The following SLC6A17 variants were observed in gnomAD, a reference collection of about 807,000 sequenced individuals.
The protein encoded by SLC6A17 is solute carrier family 6 member 17.
In SLC6A17, 21 loss-of-function variants were observed where a neutral mutation model predicts 64.5. That is an observed-to-expected ratio of 0.33 (90% CI 0.23 to 0.47). The LOEUF (loss-of-function observed/expected upper bound fraction) is 0.47, where lower values mean the gene tolerates loss of function less well. SLC6A17 is among the 20% of genes least tolerant of loss of function. SLC6A17 has a pLI of 1.00. For missense variants in SLC6A17, 682 were observed against 963.2 expected, an observed-to-expected ratio of 0.71 and a Z score of 3.86; for synonymous variants, 372 against 399.5, an observed-to-expected ratio of 0.93 and a Z score of 0.82.
At chr1:110,158,421 C>T (rs1217906711) in intron 1 of SLC6A17, among the ~76,000 whole-genome samples, 1 of 152,212 alleles carries the variant, frequency 6.6e-6, no homozygotes, top group African/African-American at 2.4e-5. Context: ...CCACCCAGCT[C>T]CAGGGCGTTG....
chr1:110,177,235 A>C (rs1374452745), intron 6 of SLC6A17, among the ~76,000 whole-genome samples: 1 of 152,190 alleles, frequency 6.6e-6, no homozygotes, highest in Non-Finnish European at 1.5e-5. Flanking sequence ...CCTTGTACCC[A>C]AATCAGAGGA....
rs1416185596 is a variant in SLC6A17, at chr1:110,167,107, C to A, written c.178C>A (p.Arg60=). 1 of 1,612,586 alleles carries A rather than the reference C, an allele frequency of 6.2e-7. No individual in the cohort carries two copies. Among genetic ancestry groups the A allele is most frequent in the Non-Finnish European group, 8.5e-7 (1 of 1,179,556 alleles). ...GGAGGAGGAGCTGGATGCAGAGGAC[C>A]GGCCGGCCTGGAACAGTAAGCTGCA... ...AVEEELDAED[R]PAWNSKLQYI... The change falls in exon 2 of 12, where the codon CGG becomes AGG. Residue 60 remains arginine, a synonymous_variant. Coordinates refer to ENST00000331565, the MANE Select transcript of SLC6A17 (RefSeq NM_001010898.4).
intron 2 of SLC6A17, among the ~76,000 whole-genome samples, chr1:110,170,796 G>A (rs1656202127): frequency 6.6e-6 from 1 of 152,052 alleles, no homozygotes; most frequent in African/African-American, 2.4e-5. Context: ...TTGGACCCTG[G>A]CCCATTCCTC....
At chr1:110,183,093 C>T (rs147921033) in intron 6 of SLC6A17, among the ~76,000 whole-genome samples, 1 of 152,166 alleles carries the variant, frequency 6.6e-6, no homozygotes, top group African/African-American at 2.4e-5. Context: ...ACAGAGTTAG[C>T]ATATGACCCA....
rs550033417 is a variant in SLC6A17 at position 110,191,891 on chromosome 1, C to T, written c.865-81C>T. ...CTGCTGCCTCTGAACTCTGTTGAGG[C>T]TGAGAAAGGGGGTGTGCACATGAAT... On this transcript the variant is annotated intron_variant, in intron 6 of 11. Transcript: ENST00000331565. 6.5e-6 allele frequency: 10 copies of T among 1,543,916 alleles called. No individual in the cohort carries two copies. In the South Asian group the frequency reaches 1.1e-4, roughly 18 times the overall value.
At chr1:110,160,934 C>A (rs924773229) in intron 1 of SLC6A17, among the ~76,000 whole-genome samples, 5 of 152,120 alleles carry the variant, frequency 3.3e-5, no homozygotes, top group African/African-American at 1.2e-4. Context: ...CTGCTGTAGG[C>A]ATCTAGCCAG....
chr1:110,176,540 G>A (rs1025205002), intron 5 of SLC6A17, 89 bp from the exon 6 acceptor site: 44 of 1,231,450 alleles, frequency 3.6e-5, no homozygotes, highest in African/African-American at 4.5e-5. Context: ...CATCAGGGGC[G>A]GCTCATGTGC....
At position 110,199,941 on chromosome 1, in the gene SLC6A17, GTGGA is replaced by G. The variant is rs1305809117; in HGVS notation, c.*1503_*1506del. 12 of 382,212 alleles carry G rather than the reference GTGGA, an allele frequency of 3.1e-5. No homozygotes were observed. Among genetic ancestry groups the G allele is most frequent in the African/African-American group, 2.6e-4 (12 of 46,996 alleles). The allele number at this position is 382,212 out of a possible 1,614,324, so 23.7% of individuals were successfully genotyped here. On this transcript the variant is annotated 3_prime_UTR_variant, in exon 12 of 12. Coordinates refer to ENST00000331565, the MANE Select transcript of SLC6A17 (RefSeq NM_001010898.4). ...TGGATGGATGGGTTGGGGGGTGGGG[GTGGA>G]TGGATAGATGGATGGATGGATGGAC...
chr1:110,158,064 T>C (rs1277049077), intron 1 of SLC6A17, among the ~76,000 whole-genome samples: 1 of 152,208 alleles, frequency 6.6e-6, no homozygotes, highest in African/African-American at 2.4e-5. Context: ...ATATGTACAC[T>C]ATAAATTATA....
chr1:110,156,973 G>A (rs1281679373), intron 1 of SLC6A17, among the ~76,000 whole-genome samples: 2 of 152,194 alleles, frequency 1.3e-5, no homozygotes, highest in African/African-American at 4.8e-5. Context: ...ATGCTGTGAG[G>A]ACTCATCTGT....
chr1:110,201,306 C>T lies in SLC6A17; in HGVS notation c.*2862C>T, dbSNP rs898247513. The stretch of plus-strand genomic sequence containing the variant: ...GTCACCTGATGAGCTAAGATCCAGC[C>T]CCAGAATCCTGGAGGAGCAGGAGGT... On this transcript the variant is annotated 3_prime_UTR_variant, in exon 12 of 12. Transcript: ENST00000331565. The T allele has an allele frequency of 2.6e-5, 4 of 152,216 alleles. No homozygotes were observed. The highest frequency in any genetic ancestry group is 1.3e-4 in the Admixed American group (2 of 15,282). The allele number at this position is 152,216 out of a possible 1,614,324, so 9.4% of individuals were successfully genotyped here.
At position 110,166,984 on chromosome 1, in the gene SLC6A17, G is replaced by A; in HGVS notation, c.55G>A (p.Glu19Lys). 1 of 1,613,864 alleles carries A rather than the reference G, an allele frequency of 6.2e-7. No homozygotes were observed. The highest frequency in any genetic ancestry group is 8.5e-7 in the Non-Finnish European group (1 of 1,179,924). The change falls in exon 2 of 12, where the codon GAG (glutamate) becomes AAG (lysine). Residue 19 changes from glutamate to lysine, a missense_variant. Around this residue, in one of 3 missense-constraint regions of SLC6A17, gnomAD observed 415 missense variants for 603.8 expected, o/e 0.69. Transcript: ENST00000331565. The stretch of plus-strand genomic sequence containing the variant: ...TGAGCACAGCAGTGAGCATGTCACT[G>A]AGTCCGTGGCCGACCTGCTGGCCCT... ...QREHSSEHVT[E>K]SVADLLALEE...
chr1:110,196,633 T>C (rs1304454594), intron 10 of SLC6A17, among the ~76,000 whole-genome samples: 4 of 152,184 alleles, frequency 2.6e-5, no homozygotes, highest in Non-Finnish European at 5.9e-5. Context: ...AGATAAAATG[T>C]GTAGGGTTAT....
intron 4 of SLC6A17, 46 bp downstream of exon 4, chr1:110,174,145 G>C (rs558956629): frequency 9.4e-5 from 151 of 1,605,376 alleles, no homozygotes; most frequent in Non-Finnish European, 1.3e-4. Flanking sequence ...CCTGTCCCAG[G>C]AAGGGGTCTC....
chr1:110,184,173 T>C (rs693373), intron 6 of SLC6A17, among the ~76,000 whole-genome samples: 87,672 of 151,968 alleles, frequency 0.58, 25,507 homozygotes, highest in South Asian at 0.65. Context: ...TGCAGTGGCG[T>C]GATCTTGGCT....
Position 110,150,522 on chromosome 1 carries a change from C to G in SLC6A17, c.-449C>G, listed in dbSNP as rs868051546. 3 of 152,412 alleles carry G rather than the reference C, an allele frequency of 2.0e-5. No individual in the cohort carries two copies. In the East Asian group the frequency reaches 5.8e-4, roughly 30 times the overall value. 9.4% of individuals were successfully genotyped at this position (152,412 alleles called of 1,614,324 possible). Reference sequence around the variant, plus strand: ...TCGGAAAGCGAGGGAACAGTGCGCGCAGCGCTCCGCCCAGCTCCGTTCTGC... The same window carrying G: ...TCGGAAAGCGAGGGAACAGTGCGCGGAGCGCTCCGCCCAGCTCCGTTCTGC... On this transcript the variant is annotated 5_prime_UTR_variant, in exon 1 of 12. Coordinates refer to ENST00000331565, the MANE Select transcript of SLC6A17 (RefSeq NM_001010898.4).
At position 110,192,312 on chromosome 1, in the gene SLC6A17, C is replaced by G; in HGVS notation, c.1106+99C>G. 1.3e-6 allele frequency: 2 copies of G among 1,524,932 alleles called. No individual in the cohort carries two copies. The highest frequency in any genetic ancestry group is 2.5e-5 in the South Asian group (2 of 78,620). The allele number at this position is 1,524,932 out of a possible 1,614,324, so 94.5% of individuals were successfully genotyped here. A position where few individuals can be genotyped will look rare whatever the true frequency, so the allele number is the denominator to read the frequency against. On this transcript the variant is annotated intron_variant, in intron 7 of 11. Coordinates refer to ENST00000331565, the MANE Select transcript of SLC6A17 (RefSeq NM_001010898.4). This position sits in a 1 kb window ranked among gnomAD's most constrained non-coding sequence, Gnocchi z 4.3. ...CAGGTGTGCATGGGGAGAGAGGTCCCCTCCACTCAGACTGAGGAATGGAGA... is the reference window on the plus strand; with the variant it reads ...CAGGTGTGCATGGGGAGAGAGGTCCGCTCCACTCAGACTGAGGAATGGAGA...
chr1:110,178,875 G>T (rs533306344), intron 6 of SLC6A17, among the ~76,000 whole-genome samples: 20 of 152,222 alleles, frequency 1.3e-4, no homozygotes, highest in Non-Finnish European at 2.9e-4. Flanking sequence ...TGGGAATTTT[G>T]AAGGGATACT....
In SLC6A17 at chr1:110,199,894, G is replaced by A; in HGVS notation, c.*1450G>A. 2.6e-6 allele frequency: 1 copy of A among 377,646 alleles called. No homozygotes were observed. Among genetic ancestry groups the A allele is most frequent in the Non-Finnish European group, 4.6e-6 (1 of 216,002 alleles). 23.4% of individuals were successfully genotyped at this position (377,646 alleles called of 1,614,324 possible). A position where few individuals can be genotyped will look rare whatever the true frequency, so the allele number is the denominator to read the frequency against. On this transcript the variant is annotated 3_prime_UTR_variant, in exon 12 of 12. Transcript: ENST00000331565. ...ATGGGTTGGGGAGTGGGGGTGGATGGATGGATAGATGGATGGATGGATGGA... is the reference window on the plus strand; with the variant it reads ...ATGGGTTGGGGAGTGGGGGTGGATGAATGGATAGATGGATGGATGGATGGA...
Sources: gnomAD v4.1 joint callset for allele counts (sites outside exome capture counted in the v4.1 genomes callset) on GRCh38, gnomAD v4.1.1 for gene constraint, gnomAD v4.1.1 regional missense constraint, Gnocchi (gnomAD v3.1) non-coding constraint, MANE v1.5 for transcripts, NCBI Gene and HGNC (gene_info 2026-07-23, HGNC 2026-07-21) for gene names.